Variants in PDE2A observed in about 807,000 individuals in gnomAD.
PDE2A encodes cGMP-dependent 3',5'-cyclic phosphodiesterase.
Under a neutral mutation model 133.6 loss-of-function variants are expected in PDE2A, and 53 were observed. The ratio of observed to expected loss-of-function variants is 0.40; its 90% CI spans 0.32 to 0.50. The LOEUF (loss-of-function observed/expected upper bound fraction) is 0.50, where lower values mean the gene tolerates loss of function less well. Ranked by LOEUF, PDE2A falls within the 20% of genes least tolerant of loss-of-function variation. The pLI, the probability that PDE2A is intolerant of heterozygous loss-of-function variation, is 0.73. For synonymous variants in PDE2A, 491 were observed against 490.2 expected, an observed-to-expected ratio of 1.00 and a Z score of -0.02; for missense variants, 796 against 1,232.4, an observed-to-expected ratio of 0.65 and a Z score of 5.30.
In PDE2A at chr11:72,585,505, C is replaced by G. The variant is rs1041885797; in HGVS notation, c.1222+49G>C. On this transcript the variant is annotated intron_variant, in intron 15 of 30. Transcript: ENST00000334456. ...ACCTCCCGCCTCTCCTCTGCAAATGCCAGCCCCCATGCCCACACACAGCCA... is the reference window on the plus strand; with the variant it reads ...ACCTCCCGCCTCTCCTCTGCAAATGGCAGCCCCCATGCCCACACACAGCCA... 10 of 1,612,502 alleles carry G rather than the reference C, an allele frequency of 6.2e-6. No homozygotes were observed. The Admixed American group carries it at 1.7e-4, about 27-fold the overall frequency.
chr11:72,578,541 C>T lies in PDE2A; in HGVS notation c.2470-27G>A. ...TGAAAGGCCAACACTCTCATCACAT[C>T]CTCTATGTAGGATACATCCACCCAA... On this transcript the variant is annotated intron_variant, in intron 28 of 30. Coordinates refer to ENST00000334456, the MANE Select transcript of PDE2A (RefSeq NM_002599.5). The surrounding 1 kb of genome is among the most constrained non-coding windows in gnomAD (Gnocchi z 4.2). 1.9e-6 allele frequency: 3 copies of T among 1,597,384 alleles called. No homozygotes were observed. The highest frequency in any genetic ancestry group is 2.2e-5 in the East Asian group (1 of 44,788).
At chr11:72,599,028 G>A in intron 4 of PDE2A, 1 of 985,390 alleles carries the variant, frequency 1.0e-6, no homozygotes, top group Non-Finnish European at 1.2e-6. Flanking sequence ...AGGCTTCACG[G>A]AGGCAGGGGG....
rs772852705 is a variant in PDE2A at position 72,596,602 on chromosome 11, A to G, written c.480T>C (p.Ala160=). ...LADKEAGAVA[A]VILVHCGQLS... is the part of the protein sequence containing the mutation. ...CTAGGCAGGCTCTTACCAAGATGAC[A>G]GCTGCCACGGCCCCAGCCTCCTTGT... is the stretch of plus-strand genomic sequence containing the variant. The change falls in exon 6 of 31, where the codon GCT becomes GCC. Residue 160 remains alanine (A), a synonymous_variant. Coordinates refer to ENST00000334456, the MANE Select transcript of PDE2A (RefSeq NM_002599.5). 1 of 1,498,284 alleles carries G rather than the reference A, an allele frequency of 6.7e-7. No individual in the cohort carries two copies. Among genetic ancestry groups the G allele is most frequent in the Admixed American group, 2.0e-5 (1 of 49,306 alleles). 92.8% of individuals were successfully genotyped at this position (1,498,284 alleles called of 1,614,324 possible).
intron 2 of PDE2A, among the ~76,000 whole-genome samples, chr11:72,634,683 G>A (rs1420675445): frequency 6.6e-6 from 1 of 152,244 alleles, no homozygotes; most frequent in Non-Finnish European, 1.5e-5. Context: ...GTGAAACACT[G>A]GACAATTGGG....
chr11:72,599,704 C>T (rs1490126201), intron 4 of PDE2A, among the ~76,000 whole-genome samples: 5 of 152,188 alleles, frequency 3.3e-5, no homozygotes, highest in African/African-American at 1.2e-4. Context: ...TGAAAAACCT[C>T]GGGGAGCATT....
intron 1 of PDE2A, among the ~76,000 whole-genome samples, chr11:72,657,021 C>T (rs1854917539): frequency 6.6e-6 from 1 of 152,190 alleles, no homozygotes; most frequent in Admixed American, 6.5e-5. Flanking sequence ...ACTTAGGCCA[C>T]TCTGAACATC....
At chr11:72,661,588 G>C (rs754114524) in intron 1 of PDE2A, among the ~76,000 whole-genome samples, 5 of 152,208 alleles carry the variant, frequency 3.3e-5, no homozygotes, top group Non-Finnish European at 4.4e-5. Context: ...CCCTATCAAG[G>C]AGGCAGAAGT....
intron 1 of PDE2A, among the ~76,000 whole-genome samples, chr11:72,665,572 C>T (rs1417799213): frequency 6.6e-6 from 1 of 152,194 alleles, no homozygotes; most frequent in Non-Finnish European, 1.5e-5. Flanking sequence ...CCCAAGAGAG[C>T]TGAGGCACGT....
intron 1 of PDE2A, among the ~76,000 whole-genome samples, chr11:72,656,146 G>A (rs907856): frequency 0.42 from 63,625 of 152,080 alleles, 14,757 homozygotes; most frequent in Middle Eastern, 0.65. Context: ...TGCGAGAGGC[G>A]AGGGGAGAGC....
chr11:72,635,922 TTCGGCCAC>T (rs1401758798), intron 2 of PDE2A: 1 of 1,116,224 alleles, frequency 9.0e-7, no homozygotes, highest in Non-Finnish European at 1.1e-6. Flanking sequence ...TCTCCATTCT[TTCGGCCAC>T]CCGACCTTCC....
At chr11:72,673,966 C>G (rs529308311) in intron 1 of PDE2A, among the ~76,000 whole-genome samples, 171 bp downstream of exon 1, 1 of 152,310 alleles carries the variant, frequency 6.6e-6, no homozygotes, top group Admixed American at 6.5e-5. Context: ...AACCTGCCCC[C>G]ACCCCAGGCT....
chr11:72,585,798 T>C (rs1472492044), intron 14 of PDE2A, among the ~76,000 whole-genome samples: 1 of 152,238 alleles, frequency 6.6e-6, no homozygotes, highest in Non-Finnish European at 1.5e-5. Context: ...AGGAGTCTCC[T>C]GAGTGTCTCA....
chr11:72,627,830 C>T (rs75196987), intron 2 of PDE2A, among the ~76,000 whole-genome samples: 8,478 of 152,324 alleles, frequency 0.056, 806 homozygotes, highest in African/African-American at 0.19. Context: ...GGCATTGACT[C>T]AGCATGCTCA....
chr11:72,672,831 T>C (rs1855415900), intron 1 of PDE2A, among the ~76,000 whole-genome samples: 1 of 151,992 alleles, frequency 6.6e-6, no homozygotes, highest in South Asian at 2.1e-4. Flanking sequence ...TCCCACAGGG[T>C]GTAGAATGAA....
At chr11:72,608,626 TG>T (rs1437831777) in intron 3 of PDE2A, 35 bp downstream of exon 3, 2 of 915,508 alleles carry the variant, frequency 2.2e-6, no homozygotes, top group East Asian at 5.9e-5. Flanking sequence ...GATTTGGGGG[TG>T]GGGTGGGAAG....
At chr11:72,648,123 C>CAG (rs1438307651) in intron 1 of PDE2A, among the ~76,000 whole-genome samples, 1 of 152,176 alleles carries the variant, frequency 6.6e-6, no homozygotes, top group Non-Finnish European at 1.5e-5. Flanking sequence ...TAGCCCAGGT[C>CAG]AGAGAGAGAG....
At chr11:72,662,908 C>T (rs1003256528) in intron 1 of PDE2A, among the ~76,000 whole-genome samples, 1 of 152,134 alleles carries the variant, frequency 6.6e-6, no homozygotes, top group Non-Finnish European at 1.5e-5. Flanking sequence ...TCACTCCCTT[C>T]CTCTCCACCG....
intron 3 of PDE2A, among the ~76,000 whole-genome samples, chr11:72,607,125 G>T (rs909462095): frequency 6.6e-6 from 1 of 152,172 alleles, no homozygotes; most frequent in Non-Finnish European, 1.5e-5. Flanking sequence ...CAGGACTCCC[G>T]AAAGTCAGGG....
At chr11:72,582,918 T>A (rs1457264780) in intron 20 of PDE2A, among the ~76,000 whole-genome samples, 1 of 152,208 alleles carries the variant, frequency 6.6e-6, no homozygotes, top group African/African-American at 2.4e-5. Context: ...TAACTCTTCC[T>A]ACTACAGTTT....
Sources: allele counts gnomAD v4.1 joint callset (sites outside exome capture counted in the v4.1 genomes callset), GRCh38; gene constraint gnomAD v4.1.1; non-coding constraint Gnocchi (gnomAD v3.1); transcripts MANE v1.5; gene names NCBI Gene and HGNC (gene_info 2026-07-23, HGNC 2026-07-21).